Variants in FBLN7 observed in about 807,000 individuals in gnomAD.
FBLN7 encodes fibulin 7.
In FBLN7, 31 loss-of-function variants were observed where a neutral mutation model predicts 44.0. That is an observed-to-expected ratio of 0.70 (90% CI 0.53 to 0.95). The LOEUF (loss-of-function observed/expected upper bound fraction) is 0.95. Among genes scored for constraint, FBLN7 ranks in the 40% least tolerant of loss-of-function variants. FBLN7 has a pLI of 0.00. For synonymous variants in FBLN7, 262 were observed against 253.4 expected, an observed-to-expected ratio of 1.03 and a Z score of -0.32; for missense variants, 573 against 618.5, an observed-to-expected ratio of 0.93 and a Z score of 0.78.
the FBLN7 span, among the ~76,000 whole-genome samples, chr2:112,244,403 CA>C: frequency 6.6e-6 from 1 of 152,086 alleles, no homozygotes; most frequent in African/African-American, 2.4e-5. Flanking sequence ...GAGAAACCAA[CA>C]GCTAGAAAAT....
the FBLN7 span, among the ~76,000 whole-genome samples, chr2:112,238,745 A>G: frequency 2.6e-5 from 4 of 152,284 alleles, no homozygotes; most frequent in South Asian, 8.3e-4. Flanking sequence ...CTAACAAACC[A>G]CTATGACATA....
At chr2:112,226,450 G>A in the FBLN7 span, among the ~76,000 whole-genome samples, 1 of 151,884 alleles carries the variant, frequency 6.6e-6, no homozygotes, top group African/African-American at 2.4e-5. Context: ...TTAGCCAGGT[G>A]AGGTGGCGGG....
At chr2:112,210,136 C>T in the FBLN7 span, among the ~76,000 whole-genome samples, 1 of 151,806 alleles carries the variant, frequency 6.6e-6, no homozygotes, top group East Asian at 1.9e-4. Flanking sequence ...GGAGCCCAAG[C>T]AGAGTGAGGG....
intron 1 of FBLN7, among the ~76,000 whole-genome samples, chr2:112,155,537 C>T (rs769415355): frequency 3.9e-5 from 6 of 152,258 alleles, no homozygotes; most frequent in Non-Finnish European, 8.8e-5. Flanking sequence ...GGATGGGCCA[C>T]AGCCTCCTCA....
intron 3 of FBLN7, among the ~76,000 whole-genome samples, chr2:112,168,002 C>A (rs748503633): frequency 1.3e-5 from 2 of 152,156 alleles, no homozygotes; most frequent in African/African-American, 2.4e-5. Flanking sequence ...GCTGAGCAGA[C>A]TTCCCTTTCT....
At chr2:112,185,437 C>A in intron 7 of FBLN7, 98 bp downstream of exon 7, 2 of 1,466,190 alleles carry the variant, frequency 1.4e-6, no homozygotes, top group South Asian at 2.7e-5. Flanking sequence ...ACAGTTATAC[C>A]ATAGAAAGAT....
chr2:112,180,780 C>T (rs907410486), intron 4 of FBLN7, among the ~76,000 whole-genome samples: 12 of 151,620 alleles, frequency 7.9e-5, no homozygotes, highest in African/African-American at 1.5e-4. Flanking sequence ...AAAATTTGCC[C>T]GGTGTGGTGG....
At chr2:112,138,996 C>T (rs1308658807) in intron 1 of FBLN7, among the ~76,000 whole-genome samples, 2 of 106,568 alleles carry the variant, frequency 1.9e-5, no homozygotes, top group Non-Finnish European at 4.0e-5. Context: ...GCCAGCGTCC[C>T]TCCCGCCTCT....
Position 112,159,812 on chromosome 2 carries a change from G to A in FBLN7, c.212G>A (p.Arg71Lys). 6.4e-7 allele frequency: 1 copy of A among 1,571,650 alleles called. No homozygotes were observed. The highest frequency in any genetic ancestry group is 8.6e-7 in the Non-Finnish European group (1 of 1,160,672). Residue 71 changes from arginine to lysine, a missense_variant, in exon 2 of 8, where the codon AGG (arginine) becomes AAG (lysine). Physicochemically the swap from Arg to Lys is conservative, Grantham distance 26. Coordinates refer to ENST00000331203, the MANE Select transcript of FBLN7 (RefSeq NM_153214.3). Reference protein sequence around the residue: ...RLAALQNSVGRVGPDALPVSC... With the variant: ...RLAALQNSVGKVGPDALPVSC... ...GCCGCGCTGCAGAACTCTGTGGGCAGGGTGGGCCCAGATGCCCTTCCAGGT... is the reference window on the plus strand; with the variant it reads ...GCCGCGCTGCAGAACTCTGTGGGCAAGGTGGGCCCAGATGCCCTTCCAGGT...
chr2:112,163,563 G>A (rs568100803), intron 2 of FBLN7, among the ~76,000 whole-genome samples: 34 of 152,278 alleles, frequency 2.2e-4, no homozygotes, highest in South Asian at 2.1e-4. Context: ...GCTTCACCCC[G>A]TCTCTCTCCA....
the FBLN7 span, among the ~76,000 whole-genome samples, chr2:112,203,365 GTCTATTA>G: frequency 1.3e-5 from 2 of 152,190 alleles, no homozygotes; most frequent in African/African-American, 4.8e-5. Context: ...ATCAAGGGCT[GTCTATTA>G]AGCTAACTAA....
the FBLN7 span, chr2:112,212,965 C>CTTTTTTTTTTTTTTTTTTTTTTTTTTTT: frequency 1.2e-4 from 10 of 84,890 alleles, no homozygotes; most frequent in Non-Finnish European, 1.6e-4. Context: ...AGAAGAAATG[C>CTTTTTTTTTTTTTTTTTTTTTTTTTTTT]TTTTTTTTTT....
In FBLN7 at chr2:112,182,940, TAC is replaced by T. The variant is rs1405648746; in HGVS notation, c.808+14_808+15del. 1 of 1,611,186 alleles carries T rather than the reference TAC, an allele frequency of 6.2e-7. No homozygotes were observed. The highest frequency in any genetic ancestry group is 1.3e-5 in the African/African-American group (1 of 75,038). The stretch of plus-strand genomic sequence containing the variant: ...GAAGAGCTGTGAGGGTGAGTGAGGC[TAC>T]AGAGTGTCGTCTGCACCCAGCCACC... On this transcript the variant is annotated intron_variant, in intron 6 of 7. Coordinates refer to ENST00000331203, the MANE Select transcript of FBLN7 (RefSeq NM_153214.3).
the FBLN7 span, among the ~76,000 whole-genome samples, chr2:112,200,443 G>A: frequency 6.6e-6 from 1 of 152,118 alleles, no homozygotes; most frequent in Non-Finnish European, 1.5e-5. Flanking sequence ...GCCTTTGTCT[G>A]GGGAATTCTC....
At chr2:112,222,561 CA>C in the FBLN7 span, among the ~76,000 whole-genome samples, 1 of 152,282 alleles carries the variant, frequency 6.6e-6, no homozygotes, top group African/African-American at 2.4e-5. Context: ...ATTTCACTTA[CA>C]TGAGATACCT....
At chr2:112,227,252 C>T in the FBLN7 span, among the ~76,000 whole-genome samples, 2 of 152,192 alleles carry the variant, frequency 1.3e-5, no homozygotes, top group Non-Finnish European at 2.9e-5. Context: ...CAGCTGGGCG[C>T]GGTGGCTCAC....
At chr2:112,235,741 T>A in the FBLN7 span, among the ~76,000 whole-genome samples, 1 of 151,870 alleles carries the variant, frequency 6.6e-6, no homozygotes, top group African/African-American at 2.4e-5. Context: ...AAAATCAAAA[T>A]ACAGGAAGGT....
intron 6 of FBLN7, 148 bp from the exon 7 acceptor site, chr2:112,185,053 T>G: frequency 1.8e-6 from 2 of 1,113,142 alleles, no homozygotes; most frequent in South Asian, 1.8e-5. Flanking sequence ...TTCCACACAG[T>G]TAAGGAAGGC....
chr2:112,203,768 GAGGCAAA>G, the FBLN7 span, among the ~76,000 whole-genome samples: 1 of 152,292 alleles, frequency 6.6e-6, no homozygotes, highest in South Asian at 2.1e-4. Flanking sequence ...ATCATGGCAG[GAGGCAAA>G]AGGCACTTCT....
Sources: allele counts gnomAD v4.1 joint callset (sites outside exome capture counted in the v4.1 genomes callset), GRCh38; gene constraint gnomAD v4.1.1; transcripts MANE v1.5; gene names NCBI Gene and HGNC (gene_info 2026-07-23, HGNC 2026-07-21).